The following CPT1B variants were observed in gnomAD, a reference collection of about 807,000 sequenced individuals.
The protein encoded by CPT1B is carnitine O-palmitoyltransferase 1, muscle isoform.
CPT1B carries 57 observed loss-of-function variants against 92.7 expected under a neutral mutation model. That is an observed-to-expected ratio of 0.62 (90% CI 0.50 to 0.77). The LOEUF is 0.77. Ranked by LOEUF, CPT1B falls within the 30% of genes least tolerant of loss-of-function variation. CPT1B has a pLI of 0.00. For synonymous variants in CPT1B, 398 were observed against 383.5 expected, an observed-to-expected ratio of 1.04 and a Z score of -0.44; for missense variants, 983 against 1,017.4, an observed-to-expected ratio of 0.97 and a Z score of 0.46.
intron 17 of CPT1B, among the ~76,000 whole-genome samples, chr22:50,569,889 G>A (rs1453635210): frequency 6.6e-6 from 1 of 152,126 alleles, no homozygotes. Context: ...CCCTCAGGGG[G>A]CTTATTCTCT....
chr22:50,572,357 G>A lies in CPT1B; in HGVS notation c.1353-49C>T, dbSNP rs780346464. The stretch of plus-strand genomic sequence containing the variant: ...AGAACCAAAGCTGGGAATGTCCAGA[G>A]GTGCCTGACCTGCAACCCCAACCTT... On this transcript the variant is annotated intron_variant, in intron 11 of 19. Transcript: ENST00000312108. 3.9e-6 allele frequency: 5 copies of A among 1,286,512 alleles called. No individual in the cohort carries two copies. The South Asian group carries it at 4.8e-5, about 12-fold the overall frequency. 79.7% of individuals were successfully genotyped at this position (1,286,512 alleles called of 1,614,324 possible).
Position 50,574,346 on chromosome 22 carries a change from CCCGGGAT to C in CPT1B, c.952_958del (p.Ile318AlafsTer268). On this transcript the variant is annotated frameshift_variant, in exon 9 of 20. Coordinates refer to ENST00000312108, the MANE Select transcript of CPT1B (RefSeq NM_152246.3). LOFTEE classifies it high-confidence loss of function. ...GGGGGCTCAGTTACCTGTGTCCTTG[CCCGGGAT>C]CCGAGTGGTGTTGAACATCCTCTCC... is the stretch of plus-strand genomic sequence containing the variant. 1 of 1,612,702 alleles carries C rather than the reference CCCGGGAT, an allele frequency of 6.2e-7. No homozygotes were observed. Among genetic ancestry groups the C allele is most frequent in the Non-Finnish European group, 8.5e-7 (1 of 1,179,428 alleles).
rs1230432066 is a variant in CPT1B at position 50,577,922 on chromosome 22, G to C, written c.-7C>G. 1.9e-6 allele frequency: 3 copies of C among 1,606,178 alleles called. No homozygotes were observed. In the African/African-American group the frequency reaches 4.0e-5, roughly 21 times the overall value. ...CCTGGTGAGCTTCCGCCATCCTGGGGGTTGGTCGGCACCTAGGACGGGGGC... is the reference window on the plus strand; with the variant it reads ...CCTGGTGAGCTTCCGCCATCCTGGGCGTTGGTCGGCACCTAGGACGGGGGC... On this transcript the variant is annotated 5_prime_UTR_variant, in exon 2 of 20. Transcript: ENST00000312108.
chr22:50,576,319 C>T lies in CPT1B; in HGVS notation c.578G>A (p.Arg193His), dbSNP rs755817678. 9.9e-6 allele frequency: 16 copies of T among 1,613,918 alleles called. No individual in the cohort carries two copies. Among genetic ancestry groups the T allele is most frequent in the South Asian group, 8.8e-5 (8 of 91,080 alleles). Residue 193 changes from arginine (R) to histidine (H), a missense_variant, in exon 6 of 20, where the codon CGC becomes CAC. Physicochemically the swap from Arg to His is conservative, Grantham distance 29. Transcript: ENST00000312108. ...ATATTCCTCATCATCCAACAAGGGG[C>T]GCACAGACTCTAGGTACTGTCCAGC... ...ATIQRYLESV[R>H]PLLDDEEYYR...
intron 1 of CPT1B, 158 bp downstream of exon 1, chr22:50,578,228 G>C (rs1048193291): frequency 1.9e-5 from 3 of 153,926 alleles, no homozygotes; most frequent in African/African-American, 7.2e-5. Flanking sequence ...GGGCAGGGGA[G>C]AGAGGCGCCC....
At chr22:50,570,167 G>T (rs1167247970) in intron 17 of CPT1B, 126 bp downstream of exon 17, 2 of 680,668 alleles carry the variant, frequency 2.9e-6, no homozygotes, top group East Asian at 5.4e-5. Flanking sequence ...CTTCCATGCA[G>T]GTCTGGGGTT....
rs762303978 is a variant in CPT1B, at chr22:50,571,396, C to T, written c.1719G>A (p.Ala573=). The part of the protein sequence containing the change: ...RTSPDAFVQI[A]LQLAHFRDRG... ...CTACCCGGAAGTGAGCCAGCTGCAG[C>T]GCGATCTGCACAAAGGCATCAGGGC... The change falls in exon 14 of 20, where the codon GCG becomes GCA. Residue 573 remains alanine, a synonymous_variant. Coordinates refer to ENST00000312108, the MANE Select transcript of CPT1B (RefSeq NM_152246.3). The T allele has an allele frequency of 1.2e-6, 2 of 1,613,846 alleles. No individual in the cohort carries two copies. Among genetic ancestry groups the T allele is most frequent in the South Asian group, 1.1e-5 (1 of 91,078 alleles).
intron 17 of CPT1B, 127 bp downstream of exon 17, chr22:50,570,166 A>G: frequency 1.5e-6 from 1 of 645,744 alleles, no homozygotes. Flanking sequence ...GCTTCCATGC[A>G]GGTCTGGGGT....
In CPT1B at chr22:50,572,025, T is replaced by C. The variant is rs1259783543; in HGVS notation, c.1556A>G (p.Gln519Arg). 2.5e-6 allele frequency: 4 copies of C among 1,613,958 alleles called. No homozygotes were observed. The highest frequency in any genetic ancestry group is 3.4e-6 in the Non-Finnish European group (4 of 1,179,980). ...ACCCACCTGTTTTGGAATGTCCCAC[T>C]GCAGCCGTGTAGGAGGTGCGAGCGC... ...NPALAPPTRL[Q>R]WDIPKQCQAV... is the part of the protein sequence containing the mutation. The change falls in exon 13 of 20, where the codon CAG becomes CGG. Residue 519 changes from glutamine (Q) to arginine (R), a missense_variant. Physicochemically the swap from Gln to Arg is conservative, Grantham distance 43. Transcript: ENST00000312108.
chr22:50,572,982 G>C lies in CPT1B; in HGVS notation c.1245C>G (p.Ala415=). ...NKAALEAIER[A]AFFVALDEES... Reference sequence around the variant, plus strand: ...CCTCATCCAGGGCCACGAAGAAAGCGGCACGCTCGATGGCCTCCAAGGCAG... The same window carrying C: ...CCTCATCCAGGGCCACGAAGAAAGCCGCACGCTCGATGGCCTCCAAGGCAG... Residue 415 remains alanine (A), a synonymous_variant, in exon 11 of 20, where the codon GCC becomes GCG. Transcript: ENST00000312108. The C allele has an allele frequency of 6.2e-7, 1 of 1,613,698 alleles. No homozygotes were observed. The highest frequency in any genetic ancestry group is 8.5e-7 in the Non-Finnish European group (1 of 1,179,848).
Position 50,576,059 on chromosome 22 carries a change from C to T in CPT1B, c.753G>A (p.Met251Ile). ...CCATGACATAATAGTTGCTGTTCAC[C>T]ATGAGAGGGCTCCTGCCTCGAAGGT... ...YIYLRGRSPL[M>I]VNSNYYVMDL... The change falls in exon 7 of 20, where the codon ATG becomes ATA. Residue 251 changes from methionine to isoleucine, a missense_variant. By Grantham distance (10) the Met-to-Ile change is conservative. Transcript: ENST00000312108. 6.2e-7 allele frequency: 1 copy of T among 1,614,136 alleles called. No homozygotes were observed. The highest frequency in any genetic ancestry group is 8.5e-7 in the Non-Finnish European group (1 of 1,180,024).
At position 50,572,091 on chromosome 22, in the gene CPT1B, C is replaced by G; in HGVS notation, c.1490G>C (p.Gly497Ala). Reference protein sequence around the residue: ...FVLGTDSFHLGYTETGHCLGK... With the variant: ...FVLGTDSFHLAYTETGHCLGK... ...CAGGCAGTGCCCGGTCTCCGTGTAG[C>G]CCAGGTGGAAGCTGTCTGTGCCCAG... The change falls in exon 13 of 20, where the codon GGC becomes GCC. Residue 497 changes from glycine (G) to alanine (A), a missense_variant. Physicochemically the swap from Gly to Ala is moderately conservative, Grantham distance 60. Coordinates refer to ENST00000312108, the MANE Select transcript of CPT1B (RefSeq NM_152246.3). 6.2e-7 allele frequency: 1 copy of G among 1,614,104 alleles called. No homozygotes were observed. Among genetic ancestry groups the G allele is most frequent in the Non-Finnish European group, 8.5e-7 (1 of 1,179,982 alleles).
chr22:50,573,583 A>G lies in CPT1B; in HGVS notation c.1103T>C (p.Leu368Pro). ...QDLEMQFQRI[L>P]DDPSPPQPGE... ...AGGCTGAGGTGGGGAGGGGTCGTCCAGGATCCTCTGGAACTGCATCTCCAG... is the reference window on the plus strand; with the variant it reads ...AGGCTGAGGTGGGGAGGGGTCGTCCGGGATCCTCTGGAACTGCATCTCCAG... The change falls in exon 10 of 20, where the codon CTG (leucine) becomes CCG (proline). Residue 368 changes from leucine (L) to proline (P), a missense_variant. Physicochemically the swap from Leu to Pro is moderately conservative, Grantham distance 98. Coordinates refer to ENST00000312108, the MANE Select transcript of CPT1B (RefSeq NM_152246.3). This position sits in a 1 kb window ranked among gnomAD's most constrained non-coding sequence, Gnocchi z 5.0. 6.2e-7 allele frequency: 1 copy of G among 1,613,692 alleles called. No homozygotes were observed. Among genetic ancestry groups the G allele is most frequent in the South Asian group, 1.1e-5 (1 of 91,086 alleles).
At chr22:50,570,751 G>T in intron 16 of CPT1B, 140 bp downstream of exon 16, 1 of 1,129,990 alleles carries the variant, frequency 8.8e-7, no homozygotes, top group Non-Finnish European at 1.3e-6. Context: ...GTGGGGTGTG[G>T]GCGGGAAAGC....
rs753329152 is a variant in CPT1B at position 50,571,121 on chromosome 22, G to A, written c.1875+37C>T. On this transcript the variant is annotated intron_variant, in intron 15 of 19. Transcript: ENST00000312108. ...AGGAGGCAGAGGGGGCACCTCACCC[G>A]ACGACTGTGACCCCCACATGGGCAG... is the stretch of plus-strand genomic sequence containing the variant. 1.9e-5 allele frequency: 30 copies of A among 1,612,384 alleles called. 1 individual carries two copies. The South Asian group carries it at 2.6e-4, about 14-fold the overall frequency.
intron 16 of CPT1B, 78 bp from the exon 17 acceptor site, chr22:50,570,484 T>C: frequency 8.6e-7 from 1 of 1,163,396 alleles, no homozygotes; most frequent in Non-Finnish European, 1.2e-6. Flanking sequence ...CGACCTACTC[T>C]GAGCCAGACA....
chr22:50,572,057 C>A lies in CPT1B; in HGVS notation c.1524G>T (p.Pro508=), dbSNP rs750137655. ...YTETGHCLGK[P]NPALAPPTRL... is the part of the protein sequence containing the mutation. ...GTGTAGGAGGTGCGAGCGCAGGGTTCGGTTTGCCCAGGCAGTGCCCGGTCT... is the reference window on the plus strand; with the variant it reads ...GTGTAGGAGGTGCGAGCGCAGGGTTAGGTTTGCCCAGGCAGTGCCCGGTCT... The change falls in exon 13 of 20, where the codon CCG becomes CCT. Residue 508 remains proline (P), a synonymous_variant. Coordinates refer to ENST00000312108, the MANE Select transcript of CPT1B (RefSeq NM_152246.3). The A allele has an allele frequency of 6.2e-7, 1 of 1,614,120 alleles. No individual in the cohort carries two copies. The highest frequency in any genetic ancestry group is 8.5e-7 in the Non-Finnish European group (1 of 1,180,002).
rs756104314 is a variant in CPT1B, at chr22:50,573,065, A to G, written c.1167-5T>C. On this transcript the variant is annotated splice_polypyrimidine_tract_variant and splice_region_variant and intron_variant, in intron 10 of 19. Transcript: ENST00000312108. This position sits in a 1 kb window ranked among gnomAD's most constrained non-coding sequence, Gnocchi z 5.0. The stretch of plus-strand genomic sequence containing the variant: ...CGTGCCTGCGCCCACTCCACCCTGA[A>G]GCATGGGGCAGGGTAAGCAGTGGGC... 9 of 1,593,082 alleles carry G rather than the reference A, an allele frequency of 5.6e-6. No individual in the cohort carries two copies. The Admixed American group carries it at 1.5e-4, about 27-fold the overall frequency.
intron 17 of CPT1B, 48 bp downstream of exon 17, chr22:50,570,245 C>G: frequency 7.1e-7 from 1 of 1,399,488 alleles, no homozygotes; most frequent in Non-Finnish European, 9.7e-7. Flanking sequence ...GCCACTGAAA[C>G]CCTCAGGGCC....
Sources: gnomAD v4.1 joint callset for allele counts (sites outside exome capture counted in the v4.1 genomes callset) on GRCh38, gnomAD v4.1.1 for gene constraint, Gnocchi (gnomAD v3.1) non-coding constraint, MANE v1.5 for transcripts, NCBI Gene and HGNC (gene_info 2026-07-23, HGNC 2026-07-21) for gene names.